Variants in EDNRA observed in about 807,000 individuals in gnomAD.
EDNRA encodes the protein endothelin receptor type A.
A neutral mutation model predicts 41.4 loss-of-function variants in EDNRA; 11 were observed. The ratio of observed to expected loss-of-function variants is 0.27; its 90% CI spans 0.17 to 0.44. EDNRA has a LOEUF of 0.44. EDNRA is among the 20% of genes least tolerant of loss of function. The pLI, the probability that EDNRA is intolerant of heterozygous loss-of-function variation, is 1.00. For synonymous variants in EDNRA, 172 were observed against 183.0 expected (o/e 0.94, Z 0.49); for missense variants, 294 against 531.0 (o/e 0.55, Z 4.39).
chr4:147,531,969 C>T (rs1014154600), intron 3 of EDNRA, among the ~76,000 whole-genome samples: 9 of 147,436 alleles, frequency 6.1e-5, no homozygotes, highest in Non-Finnish European at 1.2e-4. Context: ...GAGATCCTGC[C>T]GCTGAACTCC....
chr4:147,512,220 A>G (rs999826064), intron 2 of EDNRA, among the ~76,000 whole-genome samples: 5 of 152,244 alleles, frequency 3.3e-5, no homozygotes, highest in Non-Finnish European at 5.9e-5. Flanking sequence ...GTTATTAAAA[A>G]GAGATATTCC....
intron 2 of EDNRA, among the ~76,000 whole-genome samples, chr4:147,508,298 C>T (rs1729796597): frequency 6.6e-6 from 1 of 152,122 alleles, no homozygotes; most frequent in Non-Finnish European, 1.5e-5. Context: ...ACCACCACGC[C>T]TGGCTAATTT....
rs565127098 is a variant in EDNRA at position 147,499,897 on chromosome 4, C to T, written c.420+13796C>T. On this transcript the variant is annotated intron_variant, in intron 2 of 7. Coordinates refer to ENST00000651419, the MANE Select transcript of EDNRA (RefSeq NM_001957.4). The stretch of plus-strand genomic sequence containing the variant: ...TTGGCTTGCTGCAAACTCCGCCTCC[C>T]GAGTTCAAGCGATTCTCCTACCTCA... Among the ~76,000 whole-genome samples, 7 of 149,300 alleles carry T rather than the reference C, an allele frequency of 4.7e-5. No individual in the cohort carries two copies. In the South Asian group the frequency reaches 1.1e-3, roughly 23 times the overall value.
At position 147,535,866 on chromosome 4, in the gene EDNRA, T is replaced by G. The variant is rs1730901232; in HGVS notation, c.748-11T>G. 2.5e-6 allele frequency: 4 copies of G among 1,605,864 alleles called. No homozygotes were observed. The highest frequency in any genetic ancestry group is 3.4e-5 in the Admixed American group (2 of 58,136). ...TCCTCCTTTTCTCTTTTTTTTTTTTTCACTTTGAAGTTCTACCAAGATGTA... is the reference window on the plus strand; with the variant it reads ...TCCTCCTTTTCTCTTTTTTTTTTTTGCACTTTGAAGTTCTACCAAGATGTA... On this transcript the variant is annotated splice_polypyrimidine_tract_variant and intron_variant, in intron 4 of 7. Coordinates refer to ENST00000651419, the MANE Select transcript of EDNRA (RefSeq NM_001957.4).
At position 147,519,934 on chromosome 4, in the gene EDNRA, G is replaced by A. The variant is rs777761094; in HGVS notation, c.504G>A (p.Ser168=). The A allele has an allele frequency of 2.8e-5, 45 of 1,613,244 alleles. 2 individuals carry two copies. The highest frequency in any genetic ancestry group is 1.1e-4 in the East Asian group (5 of 44,864). The change falls in exon 3 of 8, where the codon TCG becomes TCA. Residue 168 remains serine, a synonymous_variant. Transcript: ENST00000651419. The surrounding 1 kb of genome is among the most constrained non-coding windows in gnomAD (Gnocchi z 4.1). ...TGTTCCCCTTTTTGCAGAAGTCCTC[G>A]GTGGGGATCACCGTCCTCAACCTCT... ...CKLFPFLQKS[S]VGITVLNLCA...
chr4:147,540,487 T>C lies in EDNRA; in HGVS notation c.1143+2T>C. On this transcript the variant is annotated splice_donor_variant, in intron 7 of 7. Coordinates refer to ENST00000651419, the MANE Select transcript of EDNRA (RefSeq NM_001957.4). LOFTEE classifies it high-confidence loss of function. Reference sequence around the variant, plus strand: ...AAGAAATTTAAAAATTGTTTCCAGGTAAGATGATTTTTCAAGTATTTTTTA... The same window carrying C: ...AAGAAATTTAAAAATTGTTTCCAGGCAAGATGATTTTTCAAGTATTTTTTA... The C allele has an allele frequency of 6.3e-7, 1 of 1,596,042 alleles. No homozygotes were observed. The highest frequency in any genetic ancestry group is 1.3e-5 in the African/African-American group (1 of 74,442).
intron 5 of EDNRA, among the ~76,000 whole-genome samples, chr4:147,536,772 A>G (rs1730936937): frequency 6.6e-6 from 1 of 152,174 alleles, no homozygotes; most frequent in Admixed American, 6.5e-5. Context: ...TGTCAATAGG[A>G]GGCTAATGTT....
intron 3 of EDNRA, among the ~76,000 whole-genome samples, chr4:147,528,572 C>T (rs1730637827): frequency 6.6e-6 from 1 of 152,052 alleles, no homozygotes; most frequent in East Asian, 1.9e-4. Flanking sequence ...GGGTGTCAAG[C>T]GATCGCCCCC....
chr4:147,482,242 G>A (rs1275957912), intron 1 of EDNRA, among the ~76,000 whole-genome samples: 2 of 152,204 alleles, frequency 1.3e-5, no homozygotes, highest in African/African-American at 4.8e-5. Flanking sequence ...CTAAACTCAT[G>A]CCATTTTGAT....
intron 4 of EDNRA, 73 bp downstream of exon 4, chr4:147,532,777 T>G (rs1335449317): frequency 2.0e-5 from 29 of 1,463,924 alleles, no homozygotes; most frequent in Non-Finnish European, 2.8e-5. Context: ...TCTTGAGACT[T>G]GATGACATCG....
At position 147,543,306 on chromosome 4, in the gene EDNRA, T is replaced by C. The variant is rs1273828834; in HGVS notation, c.*688T>C. ...TACAGGCCCTTAAAGCACAGTCTGATGACACATTTGGCAGTTTAATAGATG... is the reference window on the plus strand; with the variant it reads ...TACAGGCCCTTAAAGCACAGTCTGACGACACATTTGGCAGTTTAATAGATG... On this transcript the variant is annotated 3_prime_UTR_variant, in exon 8 of 8. Transcript: ENST00000651419. The C allele has an allele frequency of 6.6e-6, 1 of 152,248 alleles. No homozygotes were observed. Among genetic ancestry groups the C allele is most frequent in the Admixed American group, 6.5e-5 (1 of 15,286 alleles). 9.4% of individuals were successfully genotyped at this position (152,248 alleles called of 1,614,324 possible). A position where few individuals can be genotyped will look rare whatever the true frequency, so the allele number is the denominator to read the frequency against.
At position 147,540,484 on chromosome 4, in the gene EDNRA, A is replaced by C. The variant is rs1219791712; in HGVS notation, c.1142A>C (p.Gln381Pro). Reference protein sequence around the residue: ...FVSKKFKNCFQSCLCCCCYQS... With the variant: ...FVSKKFKNCFPSCLCCCCYQS... ...AGCAAGAAATTTAAAAATTGTTTCC[A>C]GGTAAGATGATTTTTCAAGTATTTT... The change falls in exon 7 of 8, where the codon CAG (glutamine) becomes CCG (proline). Residue 381 changes from glutamine to proline, a missense_variant and splice_region_variant. Gln to Pro is a moderately conservative substitution (Grantham distance 76). Transcript: ENST00000651419. The C allele has an allele frequency of 6.3e-7, 1 of 1,599,222 alleles. No homozygotes were observed. The highest frequency in any genetic ancestry group is 8.5e-7 in the Non-Finnish European group (1 of 1,170,628).
intron 7 of EDNRA, 68 bp downstream of exon 7, chr4:147,540,553 G>C (rs1051293252): frequency 2.6e-5 from 27 of 1,051,028 alleles, no homozygotes; most frequent in Non-Finnish European, 3.8e-5. Flanking sequence ...AACAGACACA[G>C]CCAATTCCAG....
At chr4:147,511,696 A>G (rs570192039) in intron 2 of EDNRA, among the ~76,000 whole-genome samples, 1 of 152,224 alleles carries the variant, frequency 6.6e-6, no homozygotes, top group East Asian at 1.9e-4. Flanking sequence ...GATCTCTGCT[A>G]TTCTGTTTTA....
chr4:147,484,743 C>T (rs549263991), intron 1 of EDNRA, among the ~76,000 whole-genome samples: 1 of 152,278 alleles, frequency 6.6e-6, no homozygotes, highest in East Asian at 1.9e-4. Flanking sequence ...TCGGCAAATA[C>T]CGTATTGTGA....
In EDNRA at chr4:147,540,253, C is replaced by A. The variant is rs1205944201; in HGVS notation, c.1035-124C>A. Reference sequence around the variant, plus strand: ...TTAAACAAGCACTTTTTACAAAATTCTAACTGCCACCCATACGAAATGGCT... The same window carrying A: ...TTAAACAAGCACTTTTTACAAAATTATAACTGCCACCCATACGAAATGGCT... On this transcript the variant is annotated intron_variant, in intron 6 of 7. Transcript: ENST00000651419. 3 of 850,734 alleles carry A rather than the reference C, an allele frequency of 3.5e-6. No homozygotes were observed. In the Admixed American group the frequency reaches 9.0e-5, roughly 25 times the overall value. 52.7% of individuals were successfully genotyped at this position (850,734 alleles called of 1,614,324 possible).
rs1728961219 is a variant in EDNRA at position 147,486,786 on chromosome 4, CCT to C, written c.420+686_420+687del. Among the ~76,000 whole-genome samples the C allele has an allele frequency of 6.6e-6, 1 of 152,046 alleles. No individual in the cohort carries two copies. Among genetic ancestry groups the C allele is most frequent in the African/African-American group, 2.4e-5 (1 of 41,402 alleles). On this transcript the variant is annotated intron_variant, in intron 2 of 7. Coordinates refer to ENST00000651419, the MANE Select transcript of EDNRA (RefSeq NM_001957.4). The surrounding 1 kb of genome is among the most constrained non-coding windows in gnomAD (Gnocchi z 4.3). ...ATTGAGCACCCACTGTGTGCCCACCCCTGAGCTAGGCAGTAAGGAACCAAAAA... is the reference window on the plus strand; with the variant it reads ...ATTGAGCACCCACTGTGTGCCCACCCGAGCTAGGCAGTAAGGAACCAAAAA...
intron 2 of EDNRA, among the ~76,000 whole-genome samples, chr4:147,510,934 A>G (rs1729897682): frequency 6.6e-6 from 1 of 152,236 alleles, no homozygotes; most frequent in African/African-American, 2.4e-5. Context: ...TAGAGTTCTG[A>G]TATGAAAATA....
chr4:147,510,572 A>C (rs997539992), intron 2 of EDNRA, among the ~76,000 whole-genome samples: 11 of 152,274 alleles, frequency 7.2e-5, no homozygotes, highest in African/African-American at 2.6e-4. Context: ...TCTCCACTTA[A>C]CTGATATTTT....
Sources: gnomAD v4.1 joint callset for allele counts (sites outside exome capture counted in the v4.1 genomes callset) on GRCh38, gnomAD v4.1.1 for gene constraint, Gnocchi (gnomAD v3.1) non-coding constraint, MANE v1.5 for transcripts, NCBI Gene and HGNC (gene_info 2026-07-23, HGNC 2026-07-21) for gene names.